Variants in SEMA3D observed in about 807,000 individuals in gnomAD.
SEMA3D encodes the protein semaphorin 3D.
Under a neutral mutation model 100.1 loss-of-function variants are expected in SEMA3D, and 84 were observed. The observed-to-expected ratio is 0.84, with a 90% confidence interval of 0.70 to 1.01. The LOEUF is 1.01. Ranked by LOEUF, SEMA3D falls within the 50% of genes least tolerant of loss-of-function variation. The probability of loss-of-function intolerance (pLI) is 0.00; values close to 1 mark genes in which losing one functional copy is unlikely to be tolerated. For synonymous variants in SEMA3D, 312 were observed against 320.7 expected (o/e 0.97, Z 0.29); for missense variants, 875 against 934.1 (o/e 0.94, Z 0.82).
At chr7:85,202,877 T>C in the SEMA3D span, among the ~76,000 whole-genome samples, 1 of 152,040 alleles carries the variant, frequency 6.6e-6, no homozygotes, top group Admixed American at 6.6e-5. Context: ...GAAAACTATA[T>C]AGTAGAACAA....
At chr7:85,202,787 G>A in the SEMA3D span, among the ~76,000 whole-genome samples, 99,669 of 151,892 alleles carry the variant, frequency 0.66, 33,283 homozygotes, top group East Asian at 0.92. Context: ...CAAAACCACA[G>A]TGAGATACCA....
At chr7:85,247,676 C>G in the SEMA3D span, among the ~76,000 whole-genome samples, 1 of 151,950 alleles carries the variant, frequency 6.6e-6, no homozygotes, top group African/African-American at 2.4e-5. Context: ...ATCAAGGCAA[C>G]GTAACATTGG....
At chr7:85,146,274 G>T (rs2116475347) in intron 2 of SEMA3D, among the ~76,000 whole-genome samples, 1 of 151,856 alleles carries the variant, frequency 6.6e-6, no homozygotes, top group South Asian at 2.1e-4. Context: ...AAAATCCTTA[G>T]CCAGGAGTGG....
chr7:85,229,581 G>A, the SEMA3D span, among the ~76,000 whole-genome samples: 13 of 152,076 alleles, frequency 8.5e-5, no homozygotes, highest in East Asian at 2.5e-3. Context: ...AATTTAATAT[G>A]AGTGTAACTT....
the SEMA3D span, among the ~76,000 whole-genome samples, chr7:85,248,048 A>C: frequency 1.3e-5 from 2 of 152,146 alleles, no homozygotes; most frequent in African/African-American, 4.8e-5. Context: ...TGAAAAGACA[A>C]GCCACAGACT....
chr7:85,220,363 T>A, the SEMA3D span, among the ~76,000 whole-genome samples: 1 of 151,220 alleles, frequency 6.6e-6, no homozygotes, highest in Admixed American at 6.6e-5. Flanking sequence ...TACACAAATT[T>A]CTATTTACCG....
At chr7:85,144,780 G>T in intron 2 of SEMA3D, 1 of 562,682 alleles carries the variant, frequency 1.8e-6, no homozygotes, top group Non-Finnish European at 2.3e-6. Flanking sequence ...CATAGAATTT[G>T]ATTAGGATTT....
At chr7:85,085,199 T>G (rs943538491) in intron 4 of SEMA3D, among the ~76,000 whole-genome samples, 5 of 152,210 alleles carry the variant, frequency 3.3e-5, no homozygotes, top group Admixed American at 1.3e-4. Context: ...GGCAAATATC[T>G]ATAGATTTTT....
At chr7:85,076,737 T>A (rs1476222505) in intron 5 of SEMA3D, among the ~76,000 whole-genome samples, 4 of 152,210 alleles carry the variant, frequency 2.6e-5, no homozygotes, top group Admixed American at 6.5e-5. Flanking sequence ...CTGAGCTACA[T>A]GTTAGGCTTG....
At chr7:85,236,968 G>C in the SEMA3D span, among the ~76,000 whole-genome samples, 1 of 152,054 alleles carries the variant, frequency 6.6e-6, no homozygotes, top group Non-Finnish European at 1.5e-5. Context: ...ACAGAGATTT[G>C]TTGTATTTTT....
At chr7:85,063,275 A>C (rs1791526079) in intron 8 of SEMA3D, among the ~76,000 whole-genome samples, 1 of 152,282 alleles carries the variant, frequency 6.6e-6, no homozygotes, top group South Asian at 2.1e-4. Context: ...GACACTTTTA[A>C]GAGTAAAAGA....
At chr7:85,057,136 T>C (rs1473273260) in intron 8 of SEMA3D, among the ~76,000 whole-genome samples, 2 of 152,034 alleles carry the variant, frequency 1.3e-5, no homozygotes, top group African/African-American at 4.8e-5. Flanking sequence ...GGCCATAATA[T>C]ATGTACAGTG....
chr7:85,054,057 A>G (rs1219521680), intron 9 of SEMA3D, among the ~76,000 whole-genome samples: 1 of 151,950 alleles, frequency 6.6e-6, no homozygotes, highest in East Asian at 1.9e-4. Flanking sequence ...AATAGGTTAT[A>G]ATTTTAATAT....
chr7:85,069,551 C>G (rs572385054), intron 6 of SEMA3D, among the ~76,000 whole-genome samples: 12 of 152,218 alleles, frequency 7.9e-5, no homozygotes, highest in African/African-American at 2.9e-4. Flanking sequence ...AATAAACTGA[C>G]TGAATTAATG....
the SEMA3D span, among the ~76,000 whole-genome samples, chr7:85,249,543 C>CTATCCCTTGAAACTACCT: frequency 3.3e-5 from 5 of 152,182 alleles, no homozygotes; most frequent in Admixed American, 1.3e-4. Context: ...TCTGAGCCAA[C>CTATCCCTTGAAACTACCT]TATCCCTTGA....
chr7:85,029,603 C>T, intron 12 of SEMA3D: 1 of 473,380 alleles, frequency 2.1e-6, no homozygotes, highest in Non-Finnish European at 4.0e-6. Context: ...GTGCAGAAGG[C>T]ATGCTAGGAG....
intron 6 of SEMA3D, among the ~76,000 whole-genome samples, chr7:85,071,186 C>T (rs1165097400): frequency 6.6e-6 from 1 of 152,182 alleles, no homozygotes; most frequent in Non-Finnish European, 1.5e-5. Context: ...CAGATAATTA[C>T]ACCCTATGCT....
At chr7:85,123,148 C>T (rs867211962) in intron 2 of SEMA3D, among the ~76,000 whole-genome samples, 7 of 152,090 alleles carry the variant, frequency 4.6e-5, no homozygotes, top group African/African-American at 1.4e-4. Flanking sequence ...CAAATCAACA[C>T]ATCATCAGGA....
At chr7:85,237,987 T>C in the SEMA3D span, among the ~76,000 whole-genome samples, 4 of 152,220 alleles carry the variant, frequency 2.6e-5, no homozygotes, top group Non-Finnish European at 5.9e-5. Context: ...GGGATACCAG[T>C]ACTGTTTTAA....
Sources: allele counts gnomAD v4.1 joint callset (sites outside exome capture counted in the v4.1 genomes callset), GRCh38; gene constraint gnomAD v4.1.1; transcripts MANE v1.5; gene names NCBI Gene and HGNC (gene_info 2026-07-23, HGNC 2026-07-21).